The following ACCSL variants were observed in gnomAD, a reference collection of about 807,000 sequenced individuals.
ACCSL encodes 1-aminocyclopropane-1-carboxylate synthase homolog (inactive) like.
Under a neutral mutation model 61.7 loss-of-function variants are expected in ACCSL, and 55 were observed. The ratio of observed to expected loss-of-function variants is 0.89; its 90% CI spans 0.72 to 1.12. ACCSL has a LOEUF of 1.12. Among genes scored for constraint, ACCSL ranks in the 50% most tolerant of loss-of-function variants. The probability of loss-of-function intolerance (pLI) is 0.00; values close to 1 mark genes in which losing one functional copy is unlikely to be tolerated. For missense variants in ACCSL, 632 were observed against 698.0 expected (o/e 0.91, Z 1.07); for synonymous variants, 258 against 264.3 (o/e 0.98, Z 0.23).
the ACCSL span, among the ~76,000 whole-genome samples, chr11:43,968,924 T>TC: frequency 6.6e-6 from 1 of 152,144 alleles, no homozygotes; most frequent in Non-Finnish European, 1.5e-5. Context: ...CTCACATGAT[T>TC]CAGCAAACAG....
At chr11:44,049,419 CAAAAAAAAAAAAAA>C (rs33944147) in intron 1 of ACCSL, among the ~76,000 whole-genome samples, 1 of 33,916 alleles carries the variant, frequency 2.9e-5, no homozygotes, top group Non-Finnish European at 5.3e-5. Flanking sequence ...GACCCTGTCT[CAAAAAAAAAAAAAA>C]AAAAAAAAAA....
chr11:43,997,105 G>A, the ACCSL span, among the ~76,000 whole-genome samples: 2 of 151,866 alleles, frequency 1.3e-5, no homozygotes, highest in Non-Finnish European at 2.9e-5. Context: ...GCCACTCCTG[G>A]CCAGGTTCTT....
the ACCSL span, among the ~76,000 whole-genome samples, chr11:43,968,809 C>T: frequency 2.0e-5 from 3 of 152,140 alleles, no homozygotes; most frequent in African/African-American, 7.2e-5. Flanking sequence ...GCTGGAGCTT[C>T]AGCTTTGTGC....
chr11:44,022,826 T>C, the ACCSL span, among the ~76,000 whole-genome samples: 1 of 152,192 alleles, frequency 6.6e-6, no homozygotes, highest in Non-Finnish European at 1.5e-5. Flanking sequence ...CTGGCTATGA[T>C]ATCAGGGTAA....
At chr11:43,954,864 C>T in the ACCSL span, among the ~76,000 whole-genome samples, 2 of 152,110 alleles carry the variant, frequency 1.3e-5, no homozygotes, top group African/African-American at 4.8e-5. Context: ...GAATTACAGG[C>T]GTGAGCCACC....
At chr11:44,059,714 G>A (rs1320550821) in intron 13 of ACCSL, 124 bp from the exon 14 acceptor site, 2 of 669,920 alleles carry the variant, frequency 3.0e-6, no homozygotes, top group South Asian at 2.1e-5. Flanking sequence ...AAAGGTGGGA[G>A]GGCTGAAGTT....
the ACCSL span, among the ~76,000 whole-genome samples, chr11:43,936,002 C>A: frequency 6.6e-6 from 1 of 152,224 alleles, no homozygotes; most frequent in African/African-American, 2.4e-5. Flanking sequence ...CAAGAGGAAG[C>A]AGGACCCCCG....
chr11:43,958,454 C>A, the ACCSL span, among the ~76,000 whole-genome samples: 9 of 152,302 alleles, frequency 5.9e-5, no homozygotes, highest in African/African-American at 2.2e-4. Context: ...ACCAAATTAT[C>A]CTGAAAGACT....
At chr11:43,943,822 C>T in the ACCSL span, 66 of 1,300,386 alleles carry the variant, frequency 5.1e-5, no homozygotes, top group Admixed American at 1.8e-4. The surrounding 1 kb of genome is among the most constrained non-coding windows in gnomAD (Gnocchi z 4.8). Flanking sequence ...ATCTTTTTAC[C>T]TGGATATGTC....
chr11:43,976,179 T>C, the ACCSL span, among the ~76,000 whole-genome samples: 1 of 152,170 alleles, frequency 6.6e-6, no homozygotes, highest in Non-Finnish European at 1.5e-5. Flanking sequence ...GATTCTGAAC[T>C]TAAAGCTGAT....
At chr11:44,016,329 G>A in the ACCSL span, among the ~76,000 whole-genome samples, 144 of 152,256 alleles carry the variant, frequency 9.5e-4, 1 homozygote, top group East Asian at 0.025. Flanking sequence ...CAGTGGGCAG[G>A]CCTGGGAGGT....
At chr11:43,923,383 G>T in the ACCSL span, among the ~76,000 whole-genome samples, 3 of 152,050 alleles carry the variant, frequency 2.0e-5, no homozygotes, top group Non-Finnish European at 4.4e-5. Flanking sequence ...TTTTTTTAAT[G>T]GTGGCTTTGG....
chr11:43,940,368 TTTTTTGAGACGGAGTC>T, the ACCSL span, among the ~76,000 whole-genome samples: 1 of 151,832 alleles, frequency 6.6e-6, no homozygotes, highest in Non-Finnish European at 1.5e-5. Context: ...CTTTTTTTTT[TTTTTTGAGACGGAGTC>T]TTGCTCCATT....
the ACCSL span, among the ~76,000 whole-genome samples, chr11:43,956,276 T>C: frequency 6.6e-6 from 1 of 152,154 alleles, no homozygotes; most frequent in Non-Finnish European, 1.5e-5. Context: ...GGTTTACACC[T>C]CCACTTGCTA....
At chr11:43,959,135 G>A in the ACCSL span, among the ~76,000 whole-genome samples, 1 of 152,182 alleles carries the variant, frequency 6.6e-6, no homozygotes, top group Admixed American at 6.5e-5. Flanking sequence ...ACATGTCAAT[G>A]TGAATTTTGG....
At chr11:43,998,143 T>C in the ACCSL span, among the ~76,000 whole-genome samples, 1 of 152,198 alleles carries the variant, frequency 6.6e-6, no homozygotes, top group African/African-American at 2.4e-5. Context: ...ACTTCACTAT[T>C]GTTGTGGAGA....
Position 44,048,382 on chromosome 11 carries a change from C to T in ACCSL, c.346C>T (p.Gln116Ter). 1.2e-6 allele frequency: 2 copies of T among 1,614,188 alleles called. No individual in the cohort carries two copies. Among genetic ancestry groups the T allele is most frequent in the Non-Finnish European group, 1.7e-6 (2 of 1,180,040 alleles). Residue 116 changes from glutamine to a stop codon, truncating the protein, a stop_gained, in exon 1 of 14, where the codon CAG becomes TAG. Transcript: ENST00000378832. LOFTEE classifies it high-confidence loss of function. ...TGGGCAGAGGGCCCAACTCTCTGGG[C>T]AGCCTGATCCAGTTCCCCAACTGAG... ...RYGQRAQLSG[Q>*]PDPVPQLSDC... is the part of the protein sequence containing the mutation.
the ACCSL span, chr11:43,942,834 C>G: frequency 4.5e-6 from 5 of 1,109,542 alleles, no homozygotes; most frequent in Admixed American, 9.9e-5. Flanking sequence ...TCCCGGGGGG[C>G]CCCGGCGCAG....
the ACCSL span, among the ~76,000 whole-genome samples, chr11:43,972,053 C>T: frequency 6.6e-6 from 1 of 152,214 alleles, no homozygotes; most frequent in Non-Finnish European, 1.5e-5. Flanking sequence ...GTCATCCTTA[C>T]ATCTCCTGGG....
Sources: gnomAD v4.1 joint callset for allele counts (sites outside exome capture counted in the v4.1 genomes callset) on GRCh38, gnomAD v4.1.1 for gene constraint, Gnocchi (gnomAD v3.1) non-coding constraint, MANE v1.5 for transcripts, NCBI Gene and HGNC (gene_info 2026-07-23, HGNC 2026-07-21) for gene names.